Variants in SLC41A3 observed in about 807,000 individuals in gnomAD.
SLC41A3 encodes SLC41A1-like 2.
A neutral mutation model predicts 45.4 loss-of-function variants in SLC41A3; 44 were observed. That is an observed-to-expected ratio of 0.97 (90% CI 0.76 to 1.25). The LOEUF (loss-of-function observed/expected upper bound fraction) is 1.25, where lower values mean the gene tolerates loss of function less well. SLC41A3 is among the 50% of genes most tolerant of loss of function. The pLI is 0.00. For missense variants in SLC41A3, 550 were observed against 600.6 expected, an observed-to-expected ratio of 0.92 and a Z score of 0.88; for synonymous variants, 256 against 252.4, an observed-to-expected ratio of 1.01 and a Z score of -0.13.
chr3:126,053,426 T>C (rs1310711983), intron 2 of SLC41A3, among the ~76,000 whole-genome samples: 2 of 152,216 alleles, frequency 1.3e-5, no homozygotes, highest in African/African-American at 4.8e-5. Context: ...TCCTCTGTGG[T>C]ATTTTGTGAT....
At chr3:126,075,048 G>A (rs1944812331) in intron 1 of SLC41A3, among the ~76,000 whole-genome samples, 1 of 151,878 alleles carries the variant, frequency 6.6e-6, no homozygotes, top group South Asian at 2.1e-4. Flanking sequence ...GAGCTCAGGT[G>A]ATCCTCCCAC....
At chr3:126,049,224 T>A (rs1412402646) in intron 3 of SLC41A3, among the ~76,000 whole-genome samples, 1 of 151,916 alleles carries the variant, frequency 6.6e-6, no homozygotes, top group Non-Finnish European at 1.5e-5. Flanking sequence ...CGGTGGCTCA[T>A]GCCTATAATC....
In SLC41A3 at chr3:126,081,827, G is replaced by C. The variant is rs534523082; in HGVS notation, c.-28+2266C>G. Among the ~76,000 whole-genome samples, 4 of 152,232 alleles carry C rather than the reference G, an allele frequency of 2.6e-5. No homozygotes were observed. The South Asian group carries it at 8.3e-4, about 31-fold the overall frequency. Reference sequence around the variant, plus strand: ...CACAGTCTTGGTGAGTCACTCACACGCGTGCCTGAGGAGGTTAACCCAAGA... The same window carrying C: ...CACAGTCTTGGTGAGTCACTCACACCCGTGCCTGAGGAGGTTAACCCAAGA... On this transcript the variant is annotated intron_variant, in intron 1 of 10. Transcript: ENST00000360370.
intron 1 of SLC41A3, among the ~76,000 whole-genome samples, chr3:126,075,266 A>G (rs1944826119): frequency 6.6e-6 from 1 of 152,216 alleles, no homozygotes; most frequent in African/African-American, 2.4e-5. Context: ...TTATACACTA[A>G]TAATGAATAA....
In SLC41A3 at chr3:126,022,841, GTC is replaced by G. The variant is rs1249754842; in HGVS notation, c.688_689del (p.Asp230ProfsTer11). ...AAGCCAGAATGGACAGTGTGATGAG[GTC>G]TCCCAGGCTGGCTGCAATGGGCGTG... ...IATPIAASLGDLITLSILALV... is the reference protein window; with the variant it reads ...IATPIAASLGXLITLSILALV... On this transcript the variant is annotated frameshift_variant, in exon 6 of 11. Coordinates refer to ENST00000360370, the MANE Select transcript of SLC41A3 (RefSeq NM_017836.4). LOFTEE classifies it high-confidence loss of function. 3.7e-6 allele frequency: 6 copies of G among 1,614,070 alleles called. No individual in the cohort carries two copies. In the African/African-American group the frequency reaches 5.3e-5, roughly 14 times the overall value.
At chr3:126,071,890 C>A (rs943231062) in intron 1 of SLC41A3, among the ~76,000 whole-genome samples, 1 of 151,704 alleles carries the variant, frequency 6.6e-6, no homozygotes, top group Non-Finnish European at 1.5e-5. Context: ...CCCTTCTCAG[C>A]CCCCCAAGTA....
At chr3:126,080,952 GA>G (rs113603591) in intron 1 of SLC41A3, among the ~76,000 whole-genome samples, 9 of 144,196 alleles carry the variant, frequency 6.2e-5, no homozygotes, top group South Asian at 2.2e-4. Flanking sequence ...TTCCATCTCT[GA>G]AAAAAAAAAA....
chr3:126,067,493 C>A, intron 2 of SLC41A3: 1 of 376,524 alleles, frequency 2.7e-6, no homozygotes, highest in Non-Finnish European at 5.2e-6. Context: ...CACCTGAAGA[C>A]ACGGAGAAAA....
intron 1 of SLC41A3, among the ~76,000 whole-genome samples, chr3:126,082,528 G>A (rs1203641999): frequency 1.3e-5 from 2 of 152,196 alleles, no homozygotes; most frequent in African/African-American, 4.8e-5. Flanking sequence ...GACAGGTTGT[G>A]GACCACCTGG....
intron 5 of SLC41A3, 48 bp from the exon 6 acceptor site, chr3:126,022,980 A>G: frequency 6.2e-7 from 1 of 1,610,528 alleles, no homozygotes; most frequent in East Asian, 2.2e-5. Context: ...CCAGGGAGCC[A>G]GATGGCTCTG....
intron 2 of SLC41A3, among the ~76,000 whole-genome samples, chr3:126,054,230 G>C (rs1239995116): frequency 1.3e-5 from 2 of 152,128 alleles, no homozygotes; most frequent in Admixed American, 1.3e-4. Context: ...CATATGTCAA[G>C]AACAGTCAAC....
At chr3:126,094,821 G>A (rs1476281820) in intron 1 of SLC41A3, among the ~76,000 whole-genome samples, 1 of 152,170 alleles carries the variant, frequency 6.6e-6, no homozygotes, top group Non-Finnish European at 1.5e-5. Context: ...CTGTAATTAA[G>A]GTATTGACTG....
chr3:126,018,075 A>G (rs1357388566), intron 6 of SLC41A3, among the ~76,000 whole-genome samples: 1 of 152,086 alleles, frequency 6.6e-6, no homozygotes, highest in East Asian at 1.9e-4. Context: ...CCAATTCCCA[A>G]CTACACCCAG....
At chr3:126,037,422 C>G (rs1942279495) in intron 3 of SLC41A3, among the ~76,000 whole-genome samples, 1 of 152,092 alleles carries the variant, frequency 6.6e-6, no homozygotes, top group South Asian at 2.1e-4. Context: ...ACAGAGAAGG[C>G]CAGGCTGATG....
At chr3:126,079,238 A>ACACACACC (rs1559890288) in intron 1 of SLC41A3, among the ~76,000 whole-genome samples, 1 of 121,496 alleles carries the variant, frequency 8.2e-6, no homozygotes, top group African/African-American at 3.3e-5. Flanking sequence ...ACACACACAC[A>ACACACACC]CCCACACACG....
At chr3:126,049,434 C>G (rs565822023) in intron 3 of SLC41A3, among the ~76,000 whole-genome samples, 4 of 152,260 alleles carry the variant, frequency 2.6e-5, no homozygotes, top group Admixed American at 6.5e-5. Flanking sequence ...TTGCAGTGAG[C>G]TGAGATCATG....
intron 3 of SLC41A3, among the ~76,000 whole-genome samples, chr3:126,039,660 G>C (rs1363490391): frequency 6.6e-6 from 1 of 152,222 alleles, no homozygotes; most frequent in East Asian, 1.9e-4. Context: ...CACTCAAGGG[G>C]AAGGAATTAA....
chr3:126,081,103 T>G (rs1945126980), intron 1 of SLC41A3, among the ~76,000 whole-genome samples: 1 of 152,188 alleles, frequency 6.6e-6, no homozygotes, highest in African/African-American at 2.4e-5. Context: ...AAGATATGGA[T>G]CAACCTAAGT....
intron 1 of SLC41A3, among the ~76,000 whole-genome samples, chr3:126,068,617 T>G (rs1377024550): frequency 6.6e-6 from 1 of 152,182 alleles, no homozygotes; most frequent in Non-Finnish European, 1.5e-5. Context: ...GGAATACCCA[T>G]TCAAGAAAAA....
Sources: gnomAD v4.1 joint callset for allele counts (sites outside exome capture counted in the v4.1 genomes callset) on GRCh38, gnomAD v4.1.1 for gene constraint, MANE v1.5 for transcripts, NCBI Gene and HGNC (gene_info 2026-07-23, HGNC 2026-07-21) for gene names.